SCFD2: variants seen among roughly 807,000 people sequenced by gnomAD.
SCFD2 encodes sec1 family domain containing 2.
SCFD2 carries 54 observed loss-of-function variants against 58.9 expected under a neutral mutation model. The ratio of observed to expected loss-of-function variants is 0.92; its 90% CI spans 0.74 to 1.15. The LOEUF is 1.15. Ranked by LOEUF, SCFD2 falls within the 50% of genes most tolerant of loss-of-function variation. The probability of loss-of-function intolerance (pLI) is 0.00; values close to 1 mark genes in which losing one functional copy is unlikely to be tolerated. For missense variants in SCFD2, 805 were observed against 836.6 expected, an observed-to-expected ratio of 0.96 and a Z score of 0.47; for synonymous variants, 321 against 335.9, an observed-to-expected ratio of 0.96 and a Z score of 0.49.
rs142269943 is a variant in SCFD2 at position 53,352,232 on chromosome 4, T to C, written c.1007+366A>G. ...TGGCATGGTTTCATTGCTGTTTGAGTTGCTTTTTAGTGATGTGAAAAAGTC... is the reference window on the plus strand; with the variant it reads ...TGGCATGGTTTCATTGCTGTTTGAGCTGCTTTTTAGTGATGTGAAAAAGTC... On this transcript the variant is annotated intron_variant, in intron 2 of 8. Transcript: ENST00000401642. 2.0e-4 allele frequency among the ~76,000 whole-genome samples: 30 copies of C among 152,206 alleles called. No homozygotes were observed. The East Asian group carries it at 5.2e-3, about 26-fold the overall frequency.
intron 5 of SCFD2, among the ~76,000 whole-genome samples, chr4:52,931,858 T>A (rs772238847): frequency 6.6e-6 from 1 of 152,122 alleles, no homozygotes; most frequent in African/African-American, 2.4e-5. Flanking sequence ...CTGCAACAAG[T>A]CCCGTACCTT....
At chr4:52,919,703 G>A (rs1480610325) in intron 6 of SCFD2, among the ~76,000 whole-genome samples, 1 of 152,194 alleles carries the variant, frequency 6.6e-6, no homozygotes, top group Non-Finnish European at 1.5e-5. Context: ...ATGCCTCCCT[G>A]GCATAACTTG....
intron 5 of SCFD2, among the ~76,000 whole-genome samples, chr4:53,035,662 G>A (rs144523302): frequency 0.014 from 2,177 of 152,198 alleles, 35 homozygotes; most frequent in East Asian, 0.071. Flanking sequence ...AAAAGTGGGC[G>A]AAGGATATGA....
chr4:53,363,572 G>T (rs985839180), intron 1 of SCFD2, among the ~76,000 whole-genome samples: 28 of 152,000 alleles, frequency 1.8e-4, no homozygotes, highest in African/African-American at 6.0e-4. Flanking sequence ...GGTGGCTCAC[G>T]CCTGTAATCC....
chr4:53,060,298 CTGGGGTAGGTT>C (rs1308601858), intron 5 of SCFD2, among the ~76,000 whole-genome samples: 1 of 144,262 alleles, frequency 6.9e-6, no homozygotes, highest in African/African-American at 2.9e-5. Flanking sequence ...GGTAACTGGG[CTGGGGTAGGTT>C]GGGAGGTGGA....
chr4:53,321,739 C>G (rs1019179968), intron 2 of SCFD2, among the ~76,000 whole-genome samples: 2 of 152,114 alleles, frequency 1.3e-5, no homozygotes, highest in Non-Finnish European at 2.9e-5. Context: ...TCTTGACTAC[C>G]TTTTAAAACA....
intron 4 of SCFD2, among the ~76,000 whole-genome samples, chr4:53,214,658 T>G (rs192605025): frequency 0.02 from 3,010 of 152,222 alleles, 124 homozygotes; most frequent in African/African-American, 0.068. Flanking sequence ...TTAGTTTAAT[T>G]AGATCCCATT....
At chr4:53,107,577 C>T (rs1274313114) in intron 5 of SCFD2, among the ~76,000 whole-genome samples, 1 of 152,046 alleles carries the variant, frequency 6.6e-6, no homozygotes, top group African/African-American at 2.4e-5. Flanking sequence ...GGTTGTGATC[C>T]TAGTCCCCGA....
At chr4:53,193,599 T>C (rs1667919937) in intron 4 of SCFD2, among the ~76,000 whole-genome samples, 1 of 152,158 alleles carries the variant, frequency 6.6e-6, no homozygotes, top group Non-Finnish European at 1.5e-5. Flanking sequence ...TCTGGAAACC[T>C]TCACCTTACC....
intron 5 of SCFD2, among the ~76,000 whole-genome samples, chr4:52,930,958 C>T (rs576035957): frequency 5.3e-5 from 8 of 152,222 alleles, no homozygotes; most frequent in South Asian, 2.1e-4. Flanking sequence ...CACAGCGTTT[C>T]GACTTTGGGA....
At chr4:53,352,093 A>G (rs1168346265) in intron 2 of SCFD2, among the ~76,000 whole-genome samples, 1 of 152,218 alleles carries the variant, frequency 6.6e-6, no homozygotes, top group Non-Finnish European at 1.5e-5. Context: ...TAAACTCTGC[A>G]TAACAACGTA....
chr4:53,109,152 G>A (rs753325007), intron 5 of SCFD2, among the ~76,000 whole-genome samples: 45 of 152,068 alleles, frequency 3.0e-4, no homozygotes, highest in African/African-American at 9.2e-4. Flanking sequence ...AAAGGCCTTC[G>A]ATAAAATTCA....
chr4:53,264,639 G>A (rs1265049747), intron 4 of SCFD2, among the ~76,000 whole-genome samples: 2 of 152,176 alleles, frequency 1.3e-5, no homozygotes, highest in African/African-American at 2.4e-5. Context: ...ACTAAAATGA[G>A]CCATCATATT....
chr4:52,884,608 G>C (rs1718692537), intron 8 of SCFD2, among the ~76,000 whole-genome samples: 1 of 152,082 alleles, frequency 6.6e-6, no homozygotes, highest in South Asian at 2.1e-4. Context: ...TGCTTCTTGG[G>C]ATCATCTGCC....
At chr4:52,927,906 T>C (rs1469029008) in intron 5 of SCFD2, among the ~76,000 whole-genome samples, 2 of 152,270 alleles carry the variant, frequency 1.3e-5, no homozygotes, top group African/African-American at 4.8e-5. Context: ...TTATTAGATG[T>C]ATTACTATAT....
chr4:53,035,796 G>A (rs28883396), intron 5 of SCFD2, among the ~76,000 whole-genome samples: 22,071 of 152,128 alleles, frequency 0.15, 2,239 homozygotes, highest in African/African-American at 0.29. Context: ...ACGCCAGCTA[G>A]AATGGCGATC....
At chr4:53,144,079 C>A (rs531972280) in intron 5 of SCFD2, among the ~76,000 whole-genome samples, 2 of 151,938 alleles carry the variant, frequency 1.3e-5, no homozygotes, top group African/African-American at 4.8e-5. Flanking sequence ...ATTAGCAGAA[C>A]CTACTTTACT....
chr4:52,945,001 G>A (rs528823407), intron 5 of SCFD2, among the ~76,000 whole-genome samples: 121 of 152,286 alleles, frequency 7.9e-4, no homozygotes, highest in African/African-American at 2.8e-3. Context: ...AAGCTCTATA[G>A]AGTTATCTGA....
rs189071716 is a variant in SCFD2 at position 53,143,210 on chromosome 4, C to T, written c.1561+2123G>A. The stretch of plus-strand genomic sequence containing the variant: ...TATTCTTACAGCATGATTTCAGTTC[C>T]AAAAGTACCATAGCAACATATAAAT... On this transcript the variant is annotated intron_variant, in intron 5 of 8. Coordinates refer to ENST00000401642, the MANE Select transcript of SCFD2 (RefSeq NM_152540.4). Among the ~76,000 whole-genome samples, 604 of 152,222 alleles carry T rather than the reference C, an allele frequency of 4.0e-3. 2 individuals are homozygous for T. The highest frequency in any genetic ancestry group is 6.4e-3 in the Non-Finnish European group (435 of 68,008).
Sources: allele counts gnomAD v4.1 joint callset (sites outside exome capture counted in the v4.1 genomes callset), GRCh38; gene constraint gnomAD v4.1.1; transcripts MANE v1.5; gene names NCBI Gene and HGNC (gene_info 2026-07-23, HGNC 2026-07-21).